The following OPA1 variants were observed in gnomAD, a reference collection of about 807,000 sequenced individuals.
The protein encoded by OPA1 is OPA1 mitochondrial dynamin like GTPase.
Under a neutral mutation model 152.9 loss-of-function variants are expected in OPA1, and 59 were observed. The ratio of observed to expected loss-of-function variants is 0.39; its 90% confidence interval spans 0.31 to 0.48. The LOEUF is 0.48. Among genes scored for constraint, OPA1 ranks in the 20% least tolerant of loss-of-function variants. OPA1 has a pLI of 0.96. For missense variants in OPA1, 1,008 were observed against 1,216.8 expected (o/e 0.83, Z 2.55); for synonymous variants, 400 against 389.9 (o/e 1.03, Z -0.31).
chr3:193,658,330 C>T (rs1171794660), intron 23 of OPA1, among the ~76,000 whole-genome samples: 1 of 151,542 alleles, frequency 6.6e-6, no homozygotes, highest in Non-Finnish European at 1.5e-5. Flanking sequence ...AAAACAGCTT[C>T]ATTTTTATTC....
At position 193,662,933 on chromosome 3, in the gene OPA1, T is replaced by C. The variant is rs372766468; in HGVS notation, c.2632T>C (p.Ser878Pro). ...EITTVRKNLE[S>P]RGVEVDPSLI... The stretch of plus-strand genomic sequence containing the variant: ...AACCACAGTCCGGAAGAACCTTGAA[T>C]CCCGAGGAGTAGAAGTAGATCCAAG... Residue 878 changes from serine to proline, a missense_variant, in exon 26 of 31, where the codon TCC becomes CCC. Ser to Pro is a moderately conservative substitution (Grantham distance 74). Transcript: ENST00000361510. 3.1e-6 allele frequency: 5 copies of C among 1,613,546 alleles called. No individual in the cohort carries two copies. The African/African-American group carries it at 6.7e-5, about 22-fold the overall frequency.
In OPA1 at chr3:193,643,464, G is replaced by GTATTT; in HGVS notation, c.1377+30_1377+34dup. 1 of 1,606,340 alleles carries GTATTT rather than the reference G, an allele frequency of 6.2e-7. No individual in the cohort carries two copies. Among genetic ancestry groups the GTATTT allele is most frequent in the Non-Finnish European group, 8.5e-7 (1 of 1,173,068 alleles). Reference sequence around the variant, plus strand: ...ATTAATGTAAGTATATACAAAACATGTATTTTATTTTATTCTTATTGTGTG... The same window carrying GTATTT: ...ATTAATGTAAGTATATACAAAACATGTATTTTATTTTATTTTATTCTTATTGTGTG... On this transcript the variant is annotated intron_variant, in intron 14 of 30. Coordinates refer to ENST00000361510, the MANE Select transcript of OPA1 (RefSeq NM_130837.3).
At chr3:193,660,087 T>C (rs1714883504) in intron 25 of OPA1, among the ~76,000 whole-genome samples, 1 of 152,146 alleles carries the variant, frequency 6.6e-6, no homozygotes, top group Non-Finnish European at 1.5e-5. Flanking sequence ...AGATCGAAGC[T>C]GCAGGGAAAA....
At chr3:193,660,011 G>A (rs1404096732) in intron 25 of OPA1, among the ~76,000 whole-genome samples, 1 of 152,094 alleles carries the variant, frequency 6.6e-6, no homozygotes, top group Non-Finnish European at 1.5e-5. Flanking sequence ...AGCCAGGTGT[G>A]GTGGCGCATA....
intron 1 of OPA1, among the ~76,000 whole-genome samples, chr3:193,594,134 T>C (rs1725129084): frequency 6.6e-6 from 1 of 152,232 alleles, no homozygotes; most frequent in East Asian, 1.9e-4. Context: ...TTTTCATTTC[T>C]GTGCGTTACT....
intron 1 of OPA1, among the ~76,000 whole-genome samples, chr3:193,604,070 A>T (rs1387126988): frequency 2.6e-5 from 4 of 152,212 alleles, no homozygotes; most frequent in Non-Finnish European, 5.9e-5. Flanking sequence ...TGGGACTTGC[A>T]AATTAAGTTC....
intron 15 of OPA1, 78 bp from the exon 16 acceptor site, chr3:193,643,897 G>T: frequency 7.2e-7 from 1 of 1,397,508 alleles, no homozygotes. Context: ...GTAGACACAG[G>T]GGTATAATTT....
chr3:193,672,407 A>G (rs1032654356), intron 29 of OPA1, among the ~76,000 whole-genome samples: 16 of 152,286 alleles, frequency 1.1e-4, no homozygotes, highest in African/African-American at 3.6e-4. Flanking sequence ...TGAACATTGT[A>G]TCTGCTGTTA....
chr3:193,683,262 GT>G (rs1720441918), intron 29 of OPA1, among the ~76,000 whole-genome samples: 1 of 135,836 alleles, frequency 7.4e-6, no homozygotes, highest in African/African-American at 3.0e-5. Flanking sequence ...AAAGAAAGTG[GT>G]TTCTTTTTTC....
chr3:193,665,070 C>A, intron 27 of OPA1, 74 bp downstream of exon 27: 1 of 827,276 alleles, frequency 1.2e-6, no homozygotes, highest in Non-Finnish European at 2.1e-6. Flanking sequence ...TAAACTTTAG[C>A]TTAAGCATTA....
chr3:193,635,008 A>G (rs1732723677), intron 8 of OPA1, among the ~76,000 whole-genome samples: 1 of 152,192 alleles, frequency 6.6e-6, no homozygotes, highest in African/African-American at 2.4e-5. Context: ...TAAAATCTAA[A>G]ATAATGTGAA....
At position 193,667,221 on chromosome 3, in the gene OPA1, A is replaced by G. The variant is rs1432160044; in HGVS notation, c.2924A>G (p.Asp975Gly). ...VKEVLEDFAE[D>G]GEKKIKLLTG... ...GAGGTATTGGAAGATTTTGCTGAAG[A>G]TGGTGAGAAGAAGATTAAATTGCTT... is the stretch of plus-strand genomic sequence containing the variant. Residue 975 changes from aspartate (D) to glycine (G), a missense_variant, in exon 29 of 31, where the codon GAT becomes GGT. Asp to Gly is a moderately conservative substitution (Grantham distance 94). Transcript: ENST00000361510. 1.2e-6 allele frequency: 2 copies of G among 1,610,106 alleles called. No homozygotes were observed. Among genetic ancestry groups the G allele is most frequent in the Non-Finnish European group, 1.7e-6 (2 of 1,176,336 alleles).
intron 25 of OPA1, among the ~76,000 whole-genome samples, chr3:193,662,395 C>A (rs1042481173): frequency 6.6e-6 from 1 of 152,132 alleles, no homozygotes; most frequent in African/African-American, 2.4e-5. Flanking sequence ...ACAGTAATCT[C>A]GTTCTTAAGT....
At chr3:193,684,032 G>T (rs761497000) in intron 29 of OPA1, among the ~76,000 whole-genome samples, 1 of 152,160 alleles carries the variant, frequency 6.6e-6, no homozygotes, top group Non-Finnish European at 1.5e-5. Context: ...ATCATTCATG[G>T]TGGCCATCAG....
intron 29 of OPA1, among the ~76,000 whole-genome samples, chr3:193,672,076 G>C (rs981540338): frequency 4.6e-5 from 7 of 152,200 alleles, no homozygotes; most frequent in South Asian, 2.1e-4. Context: ...TGTCAACTTA[G>C]ATAAAATCTG....
chr3:193,677,814 T>C (rs1719433878), intron 29 of OPA1, among the ~76,000 whole-genome samples: 2 of 152,246 alleles, frequency 1.3e-5, no homozygotes, highest in Non-Finnish European at 2.9e-5. Context: ...CACGATGTGC[T>C]CTATCTTAAA....
intron 29 of OPA1, among the ~76,000 whole-genome samples, chr3:193,685,294 T>TC: frequency 6.6e-6 from 1 of 150,642 alleles, no homozygotes; most frequent in East Asian, 2.0e-4. Context: ...AGAGCGAGAC[T>TC]CCATCTCAAA....
chr3:193,663,118 G>A (rs536724780), intron 26 of OPA1, among the ~76,000 whole-genome samples, 156 bp downstream of exon 26: 9 of 152,260 alleles, frequency 5.9e-5, no homozygotes, highest in African/African-American at 1.9e-4. Flanking sequence ...TTTTGATTGC[G>A]TGAAGAGAAG....
intron 1 of OPA1, among the ~76,000 whole-genome samples, chr3:193,612,934 A>G (rs1469627687): frequency 1.3e-5 from 2 of 152,194 alleles, no homozygotes; most frequent in Non-Finnish European, 2.9e-5. Flanking sequence ...AAACTCACCC[A>G]TGACCTCCAG....
Sources: allele counts gnomAD v4.1 joint callset (sites outside exome capture counted in the v4.1 genomes callset), GRCh38; gene constraint gnomAD v4.1.1; transcripts MANE v1.5; gene names NCBI Gene and HGNC (gene_info 2026-07-23, HGNC 2026-07-21).